DLC1: variants seen among roughly 807,000 people sequenced by gnomAD.
DLC1 encodes rho GTPase-activating protein 7.
In DLC1, 54 loss-of-function variants were observed where a neutral mutation model predicts 140.3. The observed-to-expected ratio is 0.38, with a 90% CI of 0.31 to 0.48. The LOEUF is 0.48. DLC1 is among the 20% of genes least tolerant of loss of function. DLC1 has a pLI of 0.96. For missense variants in DLC1, 2,536 were observed against 1,907.0 expected, an observed-to-expected ratio of 1.33 and a Z score of -6.14; for synonymous variants, 986 against 728.1, an observed-to-expected ratio of 1.35 and a Z score of -5.70.
intron 10 of DLC1, chr8:13,096,059 T>G (rs1818475702): frequency 6.6e-6 from 1 of 152,254 alleles, no homozygotes; most frequent in African/African-American, 2.4e-5. Flanking sequence ...GTCATGCATT[T>G]CAGGCTGTCA....
chr8:13,184,435 T>A (rs1179648481), intron 5 of DLC1, among the ~76,000 whole-genome samples: 1 of 152,172 alleles, frequency 6.6e-6, no homozygotes, highest in Admixed American at 6.5e-5. Context: ...TGTGGGCATT[T>A]AGTGCTAGAA....
At chr8:13,106,325 G>T (rs938925518) in intron 7 of DLC1, among the ~76,000 whole-genome samples, 1 of 152,160 alleles carries the variant, frequency 6.6e-6, no homozygotes, top group East Asian at 1.9e-4. Context: ...TGGAATCTGT[G>T]CAATTGCTTT....
At chr8:13,364,869 T>C (rs538202773) in intron 4 of DLC1, among the ~76,000 whole-genome samples, 1 of 152,220 alleles carries the variant, frequency 6.6e-6, no homozygotes, top group Non-Finnish European at 1.5e-5. Flanking sequence ...ACAATAAAAA[T>C]AAATTGCCAA....
intron 5 of DLC1, among the ~76,000 whole-genome samples, chr8:13,152,371 T>A (rs1462321329): frequency 6.6e-6 from 1 of 152,212 alleles, no homozygotes; most frequent in Non-Finnish European, 1.5e-5. Context: ...ATTCTGAGTT[T>A]ATATAACCCA....
At chr8:13,259,228 T>G in intron 5 of DLC1, among the ~76,000 whole-genome samples, 1 of 150,496 alleles carries the variant, frequency 6.6e-6, no homozygotes, top group Non-Finnish European at 1.5e-5. Context: ...GCACCTGACA[T>G]GAAAAATAAA....
chr8:13,159,081 T>A (rs558749123), intron 5 of DLC1, among the ~76,000 whole-genome samples: 3 of 152,206 alleles, frequency 2.0e-5, no homozygotes, highest in African/African-American at 7.2e-5. Context: ...ATATTCAAAT[T>A]CCACTCCATG....
At chr8:13,539,062 ATAT>A (rs1380182721) in intron 1 of DLC1, among the ~76,000 whole-genome samples, 1 of 152,136 alleles carries the variant, frequency 6.6e-6, no homozygotes, top group Non-Finnish European at 1.5e-5. Context: ...TCTTTGTAAA[ATAT>A]TATTATTTTG....
rs754086572 is a variant in DLC1, at chr8:13,499,805, G to A, written c.267C>T (p.Asp89=). ...GHLSKDVDEN[D]SHEGEDQFLS... Reference sequence around the variant, plus strand: ...GAAACTGATCTTCACCTTCATGGCTGTCATTTTCGTCCACATCCTTTGAAA... The same window carrying A: ...GAAACTGATCTTCACCTTCATGGCTATCATTTTCGTCCACATCCTTTGAAA... Residue 89 remains aspartate (D), a synonymous_variant, in exon 2 of 18, where the codon GAC becomes GAT. Coordinates refer to ENST00000276297, the MANE Select transcript of DLC1 (RefSeq NM_182643.3). The A allele has an allele frequency of 1.1e-5, 17 of 1,614,022 alleles. No homozygotes were observed. The highest frequency in any genetic ancestry group is 1.4e-5 in the Non-Finnish European group (17 of 1,180,008).
At chr8:13,151,255 G>C (rs907704666) in intron 5 of DLC1, among the ~76,000 whole-genome samples, 4 of 152,176 alleles carry the variant, frequency 2.6e-5, no homozygotes, top group Non-Finnish European at 4.4e-5. Context: ...TGAATTACCA[G>C]TAAAAACACC....
chr8:13,249,639 T>C lies in DLC1; in HGVS notation c.1348+55630A>G, dbSNP rs187985461. On this transcript the variant is annotated intron_variant, in intron 5 of 17. Transcript: ENST00000276297. ...CTTCCAACCTATTTCTTCCTTTCTCTCTCTTTCTCTTTCTGTCTTCTCTTT... is the reference window on the plus strand; with the variant it reads ...CTTCCAACCTATTTCTTCCTTTCTCCCTCTTTCTCTTTCTGTCTTCTCTTT... 2.6e-5 allele frequency among the ~76,000 whole-genome samples: 4 copies of C among 152,292 alleles called. No homozygotes were observed. The East Asian group carries it at 7.7e-4, about 29-fold the overall frequency.
chr8:13,231,400 A>T (rs76173721), intron 5 of DLC1, among the ~76,000 whole-genome samples: 11,130 of 152,228 alleles, frequency 0.073, 540 homozygotes, highest in South Asian at 0.12. Context: ...ACCAAACCTT[A>T]TTCTTCTTCT....
At chr8:13,303,018 T>C (rs1223716328) in intron 5 of DLC1, among the ~76,000 whole-genome samples, 1 of 152,236 alleles carries the variant, frequency 6.6e-6, no homozygotes, top group Non-Finnish European at 1.5e-5. Flanking sequence ...TTGTCATATT[T>C]GTTACCGTGA....
intron 5 of DLC1, among the ~76,000 whole-genome samples, chr8:13,245,560 A>G (rs1325358972): frequency 2.0e-5 from 3 of 152,176 alleles, no homozygotes; most frequent in Non-Finnish European, 4.4e-5. Flanking sequence ...AACACATTCT[A>G]AATGAGCTAC....
At chr8:13,373,966 T>G (rs187999057) in intron 4 of DLC1, among the ~76,000 whole-genome samples, 41 of 152,356 alleles carry the variant, frequency 2.7e-4, no homozygotes, top group African/African-American at 9.1e-4. Flanking sequence ...ATTTCCAGAT[T>G]TGCAAAGATG....
At chr8:13,198,994 G>A (rs1827223860) in intron 5 of DLC1, among the ~76,000 whole-genome samples, 1 of 152,058 alleles carries the variant, frequency 6.6e-6, no homozygotes, top group Non-Finnish European at 1.5e-5. Context: ...TGGGATTACA[G>A]GTGTGAGCCA....
chr8:13,445,996 T>G (rs562107072), intron 2 of DLC1, among the ~76,000 whole-genome samples: 1 of 152,272 alleles, frequency 6.6e-6, no homozygotes, highest in African/African-American at 2.4e-5. Flanking sequence ...GGTCATACAG[T>G]TGTTGACTGA....
At chr8:13,359,192 C>T (rs926338783) in intron 4 of DLC1, among the ~76,000 whole-genome samples, 1 of 152,140 alleles carries the variant, frequency 6.6e-6, no homozygotes, top group Non-Finnish European at 1.5e-5. Flanking sequence ...AGTGCCTCGG[C>T]CTCCCAAATT....
chr8:13,455,150 TTTTA>T (rs1278150876), intron 2 of DLC1, among the ~76,000 whole-genome samples: 1 of 152,232 alleles, frequency 6.6e-6, no homozygotes, highest in East Asian at 1.9e-4. Flanking sequence ...AATGATTCTT[TTTTA>T]TTTATTAAAG....
At chr8:13,331,813 C>T (rs1274531712) in intron 4 of DLC1, among the ~76,000 whole-genome samples, 2 of 152,020 alleles carry the variant, frequency 1.3e-5, no homozygotes, top group Non-Finnish European at 1.5e-5. Context: ...TTTTGCCTAC[C>T]AAAAGGAATA....
Sources: allele counts gnomAD v4.1 joint callset (sites outside exome capture counted in the v4.1 genomes callset), GRCh38; gene constraint gnomAD v4.1.1; transcripts MANE v1.5; gene names NCBI Gene and HGNC (gene_info 2026-07-23, HGNC 2026-07-21).